Variants in SNX29 observed in about 807,000 individuals in gnomAD.
SNX29 encodes the protein sorting nexin-29.
In SNX29, 78 loss-of-function variants were observed where a neutral mutation model predicts 102.1. The observed-to-expected ratio is 0.76, with a 90% CI of 0.64 to 0.92. SNX29 has a LOEUF of 0.92. Among genes scored for constraint, SNX29 ranks in the 40% least tolerant of loss-of-function variants. The pLI is 0.00. For missense variants in SNX29, 1,280 were observed against 1,061.7 expected (o/e 1.21, Z -2.86); for synonymous variants, 580 against 414.5 (o/e 1.40, Z -4.85).
Position 12,285,994 on chromosome 16 carries a change from T to C in SNX29, c.1782+7958T>C, listed in dbSNP as rs1416591422. ...CTTCCCCCTCCACAGTAGCATACGC[T>C]ACCATGCTCAGCTAATTTTTGTATT... On this transcript the variant is annotated intron_variant, in intron 15 of 20. Coordinates refer to ENST00000566228, the MANE Select transcript of SNX29 (RefSeq NM_032167.5). Among the ~76,000 whole-genome samples the C allele has an allele frequency of 3.9e-5, 6 of 152,236 alleles. No homozygotes were observed. The South Asian group carries it at 1.2e-3, about 32-fold the overall frequency.
At chr16:12,446,930 C>T (rs999808198) in intron 18 of SNX29, among the ~76,000 whole-genome samples, 3 of 151,732 alleles carry the variant, frequency 2.0e-5, no homozygotes, top group Non-Finnish European at 1.5e-5. Context: ...TTTGGGAGGT[C>T]AAGGTGGGCG....
Position 12,568,496 on chromosome 16 carries a change from GCT to G in SNX29, c.2319-7_2319-6del. ...CCAGACTTAACCCGATTCTCTCCCT[GCT>G]CTTTCAGCGACATCACCCCGCCCGG... On this transcript the variant is annotated splice_polypyrimidine_tract_variant and splice_region_variant and intron_variant, in intron 20 of 20. Coordinates refer to ENST00000566228, the MANE Select transcript of SNX29 (RefSeq NM_032167.5). 2.5e-6 allele frequency: 4 copies of G among 1,609,144 alleles called. No homozygotes were observed. The highest frequency in any genetic ancestry group is 1.3e-5 in the African/African-American group (1 of 74,978).
At chr16:12,526,974 G>T (rs1156826386) in intron 20 of SNX29, 4 of 398,796 alleles carry the variant, frequency 1.0e-5, no homozygotes, top group South Asian at 2.6e-5. Context: ...AGAACACAGG[G>T]TTCGATTTAT....
At chr16:12,414,808 G>A (rs561423399) in intron 18 of SNX29, among the ~76,000 whole-genome samples, 15 of 152,288 alleles carry the variant, frequency 9.8e-5, no homozygotes, top group Non-Finnish European at 1.6e-4. Flanking sequence ...AGCAACCTTC[G>A]CCTCCGGGGT....
At chr16:12,553,322 C>A (rs2078107801) in intron 20 of SNX29, among the ~76,000 whole-genome samples, 1 of 152,198 alleles carries the variant, frequency 6.6e-6, no homozygotes. Context: ...GGGAAACGCC[C>A]TAACAAGGCA....
At chr16:12,527,565 G>T (rs1361212079) in intron 20 of SNX29, among the ~76,000 whole-genome samples, 5 of 152,140 alleles carry the variant, frequency 3.3e-5, no homozygotes, top group African/African-American at 1.2e-4. Context: ...GTGTTTCACA[G>T]CACCCATCTC....
intron 20 of SNX29, among the ~76,000 whole-genome samples, chr16:12,559,923 G>C (rs1052052832): frequency 1.3e-5 from 2 of 152,184 alleles, no homozygotes; most frequent in Non-Finnish European, 2.9e-5. Flanking sequence ...AGCTTGCAGT[G>C]AGTCGAGATT....
chr16:12,467,595 CATTCGTTT>C (rs2087115422), intron 18 of SNX29, among the ~76,000 whole-genome samples: 1 of 150,216 alleles, frequency 6.7e-6, no homozygotes, highest in Non-Finnish European at 1.5e-5. Context: ...CCTGTTCGTT[CATTCGTTT>C]GTTCGTTTGT....
At chr16:12,499,072 A>T (rs2088975809) in intron 19 of SNX29, among the ~76,000 whole-genome samples, 1 of 152,062 alleles carries the variant, frequency 6.6e-6, no homozygotes, top group African/African-American at 2.4e-5. Context: ...TCCACCTTTC[A>T]TTCCTTCCCC....
intron 14 of SNX29, among the ~76,000 whole-genome samples, chr16:12,266,011 A>G (rs933914008): frequency 6.6e-6 from 1 of 152,184 alleles, no homozygotes; most frequent in Non-Finnish European, 1.5e-5. Context: ...GAGGAAACTG[A>G]GGTTCAGAGA....
chr16:12,414,182 A>T lies in SNX29; in HGVS notation c.2037+10653A>T, dbSNP rs747372897. Among the ~76,000 whole-genome samples the T allele has an allele frequency of 2.0e-5, 3 of 152,190 alleles. No homozygotes were observed. In the East Asian group the frequency reaches 5.8e-4, roughly 29 times the overall value. ...GGTCGGTTGAATCTGTGGATGCAGA[A>T]CCCACTGATACGGAGGGCTGACTGT... is the stretch of plus-strand genomic sequence containing the variant. On this transcript the variant is annotated intron_variant, in intron 18 of 20. Transcript: ENST00000566228.
chr16:12,220,111 A>T (rs2142103570), intron 14 of SNX29, among the ~76,000 whole-genome samples: 1 of 152,186 alleles, frequency 6.6e-6, no homozygotes, highest in Non-Finnish European at 1.5e-5. Flanking sequence ...AGTAAGAAGA[A>T]CCCCCACCCT....
At chr16:12,538,781 G>A (rs11643978) in intron 20 of SNX29, among the ~76,000 whole-genome samples, 18,673 of 152,160 alleles carry the variant, frequency 0.12, 1,390 homozygotes, top group Non-Finnish European at 0.16. Flanking sequence ...ATGTCACATC[G>A]CCAAGGGGGA....
At position 12,026,975 on chromosome 16, in the gene SNX29, G is replaced by C. The variant is rs533626064; in HGVS notation, c.123-345G>C. Reference sequence around the variant, plus strand: ...AATTGGATGCAATTAACATCCAACCGCTCCCCACACTGAACTGATTGGTTT... The same window carrying C: ...AATTGGATGCAATTAACATCCAACCCCTCCCCACACTGAACTGATTGGTTT... On this transcript the variant is annotated intron_variant, in intron 3 of 20. Coordinates refer to ENST00000566228, the MANE Select transcript of SNX29 (RefSeq NM_032167.5). 2.0e-5 allele frequency among the ~76,000 whole-genome samples: 3 copies of C among 152,206 alleles called. No homozygotes were observed. The South Asian group carries it at 6.2e-4, about 32-fold the overall frequency.
At chr16:12,461,886 G>T (rs1351297654) in intron 18 of SNX29, among the ~76,000 whole-genome samples, 4 of 145,434 alleles carry the variant, frequency 2.8e-5, no homozygotes, top group East Asian at 2.0e-4. Flanking sequence ...AACATGGGAG[G>T]CGGAGGTTGC....
At chr16:12,244,985 G>C (rs1454868861) in intron 14 of SNX29, among the ~76,000 whole-genome samples, 1 of 152,190 alleles carries the variant, frequency 6.6e-6, no homozygotes, top group Non-Finnish European at 1.5e-5. Flanking sequence ...TGAAGCGTCA[G>C]GTAGGAGCCA....
Position 12,568,507 on chromosome 16 carries a change from G to T in SNX29, c.2320G>T (p.Asp774Tyr), listed in dbSNP as rs1182201607. The change falls in exon 21 of 21, where the codon GAC becomes TAC. Residue 774 changes from aspartate to tyrosine, a missense_variant and splice_region_variant. Physicochemically the swap from Asp to Tyr is radical, Grantham distance 160. Coordinates refer to ENST00000566228, the MANE Select transcript of SNX29 (RefSeq NM_032167.5). ...CCGATTCTCTCCCTGCTCTTTCAGC[G>T]ACATCACCCCGCCCGGAGAGCCTGT... ...TLIQLMPFFV[D>Y]ITPPGEPVNS... 2 of 1,609,726 alleles carry T rather than the reference G, an allele frequency of 1.2e-6. No homozygotes were observed. The highest frequency in any genetic ancestry group is 2.2e-5 in the South Asian group (2 of 91,072).
intron 18 of SNX29, among the ~76,000 whole-genome samples, chr16:12,449,063 GT>G (rs1189217947): frequency 6.6e-6 from 1 of 152,086 alleles, no homozygotes; most frequent in African/African-American, 2.4e-5. Flanking sequence ...GCTGGATATG[GT>G]GCCCAAAACT....
chr16:11,987,542 G>A (rs999282381), intron 1 of SNX29, among the ~76,000 whole-genome samples: 1 of 151,852 alleles, frequency 6.6e-6, no homozygotes, highest in East Asian at 1.9e-4. Flanking sequence ...GACTACAGGT[G>A]CGTGCCACCA....
Sources: allele counts gnomAD v4.1 joint callset (sites outside exome capture counted in the v4.1 genomes callset), GRCh38; gene constraint gnomAD v4.1.1; transcripts MANE v1.5; gene names NCBI Gene and HGNC (gene_info 2026-07-23, HGNC 2026-07-21).